Variants in SGSM3 observed in about 807,000 individuals in gnomAD.
SGSM3 encodes the protein RUN and SH3 containing 3.
A neutral mutation model predicts 100.5 loss-of-function variants in SGSM3; 96 were observed. That is an observed-to-expected ratio of 0.96 (90% CI 0.81 to 1.13). SGSM3 has a LOEUF of 1.13. Among genes scored for constraint, SGSM3 ranks in the 50% most tolerant of loss-of-function variants. The pLI is 0.00. For missense variants in SGSM3, 1,001 were observed against 1,015.8 expected, an observed-to-expected ratio of 0.99 and a Z score of 0.20; for synonymous variants, 483 against 422.8, an observed-to-expected ratio of 1.14 and a Z score of -1.75.
chr22:40,404,209 G>T, intron 4 of SGSM3, 38 bp from the exon 5 acceptor site: 5 of 1,488,406 alleles, frequency 3.4e-6, no homozygotes, highest in Non-Finnish European at 4.5e-6. Context: ...ACGTAGTAGA[G>T]AATGCTTTTT....
chr22:40,375,209 G>A (rs2046350584), intron 1 of SGSM3, among the ~76,000 whole-genome samples: 1 of 152,138 alleles, frequency 6.6e-6, no homozygotes, highest in Non-Finnish European at 1.5e-5. Flanking sequence ...CTCTACTAAT[G>A]ATGTAAATTG....
chr22:40,407,383 C>T lies in SGSM3; in HGVS notation c.1369-30C>T. On this transcript the variant is annotated intron_variant, in intron 12 of 21. Transcript: ENST00000248929. This position sits in a 1 kb window ranked among gnomAD's most constrained non-coding sequence, Gnocchi z 4.7. ...AAACACGGCCCTAACTCCTCCAACC[C>T]CCTTGGTGGGCCTGTGTTCACTGTG... The T allele has an allele frequency of 6.2e-7, 1 of 1,611,768 alleles. No homozygotes were observed. The highest frequency in any genetic ancestry group is 8.5e-7 in the Non-Finnish European group (1 of 1,178,656).
intron 1 of SGSM3, among the ~76,000 whole-genome samples, chr22:40,382,713 A>G (rs1210315519): frequency 6.6e-6 from 1 of 152,252 alleles, no homozygotes; most frequent in Non-Finnish European, 1.5e-5. Context: ...GTTTCGTCAC[A>G]TTTGAAGAAG....
In SGSM3 at chr22:40,405,186, G is replaced by C; in HGVS notation, c.520G>C (p.Ala174Pro). 1 of 1,579,890 alleles carries C rather than the reference G, an allele frequency of 6.3e-7. No individual in the cohort carries two copies. The highest frequency in any genetic ancestry group is 8.6e-7 in the Non-Finnish European group (1 of 1,161,832). The stretch of plus-strand genomic sequence containing the variant: ...CACCATGCCCAGCAACGCCTGCTTC[G>C]CCAGCATGGGTAGCATCGGGGTGCC... ...LRTMPSNACF[A>P]SMGSIGVPRL... The change falls in exon 7 of 22, where the codon GCC (alanine) becomes CCC (proline). Residue 174 changes from alanine to proline, a missense_variant. Ala to Pro is a conservative substitution (Grantham distance 27). Transcript: ENST00000248929.
Position 40,404,424 on chromosome 22 carries a change from T to C in SGSM3, c.335T>C (p.Leu112Pro). ...TCTGAGAAGCTCCGCTCCCTGGTGC[T>C]GGCCGGCATCCCACATGGCATGAGG... ...PRSEKLRSLV[L>P]AGIPHGMRPQ... The change falls in exon 5 of 22, where the codon CTG (leucine) becomes CCG (proline). Residue 112 changes from leucine (L) to proline (P), a missense_variant. Physicochemically the swap from Leu to Pro is moderately conservative, Grantham distance 98. Coordinates refer to ENST00000248929, the MANE Select transcript of SGSM3 (RefSeq NM_015705.6). 2 of 1,605,800 alleles carry C rather than the reference T, an allele frequency of 1.2e-6. No homozygotes were observed. Among genetic ancestry groups the C allele is most frequent in the Non-Finnish European group, 1.7e-6 (2 of 1,175,438 alleles).
At chr22:40,406,793 C>G in intron 10 of SGSM3, 131 bp downstream of exon 10, 3 of 907,090 alleles carry the variant, frequency 3.3e-6, no homozygotes, top group Middle Eastern at 2.2e-4. Context: ...CTGGCCCAGT[C>G]AGACCACAGC....
chr22:40,386,602 A>G (rs1400305324), intron 1 of SGSM3, among the ~76,000 whole-genome samples: 1 of 142,682 alleles, frequency 7.0e-6, no homozygotes, highest in African/African-American at 2.6e-5. Context: ...TAAAAAGACA[A>G]CTAGAGATCA....
intron 10 of SGSM3, 24 bp downstream of exon 10, chr22:40,406,686 C>T: frequency 6.3e-7 from 1 of 1,576,380 alleles, no homozygotes. Context: ...GGGGGCCGCA[C>T]CTTGACCCAC....
rs1007137404 is a variant in SGSM3, at chr22:40,407,131, G to A, written c.1240+60G>A. The A allele has an allele frequency of 6.2e-7, 1 of 1,611,898 alleles. No individual in the cohort carries two copies. The highest frequency in any genetic ancestry group is 8.5e-7 in the Non-Finnish European group (1 of 1,179,070). ...TGCGGGAGTCTGTCCTCACGCTCAT[G>A]TGGACGTGGAGCTTCCTCCTCGGGG... On this transcript the variant is annotated intron_variant, in intron 11 of 21. Transcript: ENST00000248929. This position sits in a 1 kb window ranked among gnomAD's most constrained non-coding sequence, Gnocchi z 4.7.
At chr22:40,406,993 C>G (rs750361071) in intron 10 of SGSM3, 24 bp from the exon 11 acceptor site, 11 of 1,558,286 alleles carry the variant, frequency 7.1e-6, no homozygotes, top group Non-Finnish European at 9.6e-6. Context: ...CCAGGACCAC[C>G]CTGACCCACT....
intron 1 of SGSM3, among the ~76,000 whole-genome samples, chr22:40,384,435 A>AGG (rs1227077773): frequency 6.6e-6 from 1 of 152,190 alleles, no homozygotes; most frequent in Non-Finnish European, 1.5e-5. Flanking sequence ...TGGATAACAT[A>AGG]GGGAGACCCC....
rs999614638 is a variant in SGSM3, at chr22:40,405,259, T to C, written c.593T>C (p.Ile198Thr). The C allele has an allele frequency of 6.5e-7, 1 of 1,528,108 alleles. No homozygotes were observed. Among genetic ancestry groups the C allele is most frequent in the Non-Finnish European group, 8.8e-7 (1 of 1,136,380 alleles). The allele number at this position is 1,528,108 out of a possible 1,614,324, so 94.7% of individuals were successfully genotyped here. A position where few individuals can be genotyped will look rare whatever the true frequency, so the allele number is the denominator to read the frequency against. The change falls in exon 7 of 22, where the codon ATC (isoleucine) becomes ACC (threonine). Residue 198 changes from isoleucine to threonine, a missense_variant. Coordinates refer to ENST00000248929, the MANE Select transcript of SGSM3 (RefSeq NM_015705.6). Reference protein sequence around the residue: ...LRALAWLYPEIGYCQGTGMVA... With the variant: ...LRALAWLYPETGYCQGTGMVA... ...GCCCTGGCCTGGCTCTACCCAGAGA[T>C]CGGCTACTGCCAGGGCACCGGCATG...
At chr22:40,387,643 A>G (rs1467421051) in intron 1 of SGSM3, among the ~76,000 whole-genome samples, 1 of 152,126 alleles carries the variant, frequency 6.6e-6, no homozygotes, top group African/African-American at 2.4e-5. Context: ...GCTAACTAGT[A>G]TTTATTTCAC....
At chr22:40,389,600 GAAAAA>G (rs71326802) in intron 1 of SGSM3, among the ~76,000 whole-genome samples, 1 of 33,648 alleles carries the variant, frequency 3.0e-5, no homozygotes, top group Non-Finnish European at 5.1e-5. Flanking sequence ...CTCCGTCTCA[GAAAAA>G]AAAAAAAAAA....
At chr22:40,396,717 A>C (rs1303286597) in intron 1 of SGSM3, among the ~76,000 whole-genome samples, 1 of 152,174 alleles carries the variant, frequency 6.6e-6, no homozygotes, top group Non-Finnish European at 1.5e-5. Flanking sequence ...TGTTGTTAAG[A>C]AAATAGGACA....
Position 40,407,840 on chromosome 22 carries a change from C to T in SGSM3, c.1576C>T (p.Arg526Ter), listed in dbSNP as rs149256386. Residue 526 changes from arginine to a stop codon, truncating the protein, a stop_gained, in exon 14 of 22, where the codon CGA becomes TGA. Transcript: ENST00000248929. LOFTEE classifies it high-confidence loss of function. This position sits in a 1 kb window ranked among gnomAD's most constrained non-coding sequence, Gnocchi z 4.7. ...HCWVGELNGLRGWFPAKFVEV... is the reference protein window; with the variant it reads ...HCWVGELNGL Reference sequence around the variant, plus strand: ...CTGGGTGGGGGAGCTCAACGGCCTGCGAGGTGGGGTCCTTGGTCTGCTCTT... The same window carrying T: ...CTGGGTGGGGGAGCTCAACGGCCTGTGAGGTGGGGTCCTTGGTCTGCTCTT... 3.1e-6 allele frequency: 5 copies of T among 1,610,128 alleles called. No homozygotes were observed. The highest frequency in any genetic ancestry group is 1.3e-5 in the African/African-American group (1 of 74,760).
intron 1 of SGSM3, among the ~76,000 whole-genome samples, chr22:40,393,856 T>C (rs1297168647): frequency 6.6e-6 from 1 of 152,214 alleles, no homozygotes; most frequent in East Asian, 1.9e-4. Flanking sequence ...CATGGCCTCA[T>C]CATCTCTTAA....
intron 1 of SGSM3, chr22:40,376,629 T>C (rs554904432): frequency 2.2e-4 from 34 of 152,296 alleles, no homozygotes; most frequent in African/African-American, 7.7e-4. Flanking sequence ...CTCACAATCC[T>C]CACATCAACC....
Position 40,405,128 on chromosome 22 carries a change from G to A in SGSM3, c.475-13G>A, listed in dbSNP as rs1278263051. 1 of 1,490,296 alleles carries A rather than the reference G, an allele frequency of 6.7e-7. No homozygotes were observed. Among genetic ancestry groups the A allele is most frequent in the Non-Finnish European group, 8.9e-7 (1 of 1,118,270 alleles). 92.3% of individuals were successfully genotyped at this position (1,490,296 alleles called of 1,614,324 possible). ...AGGTCTTGTTATTGTGGGTGCCGATGGCTGCCTGACAGATCGAGAAGGACC... is the reference window on the plus strand; with the variant it reads ...AGGTCTTGTTATTGTGGGTGCCGATAGCTGCCTGACAGATCGAGAAGGACC... On this transcript the variant is annotated splice_polypyrimidine_tract_variant and intron_variant, in intron 6 of 21. Transcript: ENST00000248929.
Sources: gnomAD v4.1 joint callset for allele counts (sites outside exome capture counted in the v4.1 genomes callset) on GRCh38, gnomAD v4.1.1 for gene constraint, Gnocchi (gnomAD v3.1) non-coding constraint, MANE v1.5 for transcripts, NCBI Gene and HGNC (gene_info 2026-07-23, HGNC 2026-07-21) for gene names.